SNX5: variants seen among roughly 807,000 people sequenced by gnomAD.
SNX5 encodes the protein sorting nexin 5, also known as sorting nexin-5.
In SNX5, 31 loss-of-function variants were observed where a neutral mutation model predicts 53.9. The ratio of observed to expected loss-of-function variants is 0.58; its 90% CI spans 0.43 to 0.78. SNX5 has a LOEUF of 0.78. Among genes scored for constraint, SNX5 ranks in the 30% least tolerant of loss-of-function variants. The pLI, the probability that SNX5 is intolerant of heterozygous loss-of-function variation, is 0.00. For missense variants in SNX5, 471 were observed against 478.8 expected (o/e 0.98, Z 0.15); for synonymous variants, 168 against 171.1 (o/e 0.98, Z 0.14).
rs147320575 is a variant in SNX5, at chr20:17,962,110, T to C, written c.52-5073A>G. 8 of 406,978 alleles carry C rather than the reference T, an allele frequency of 2.0e-5. No individual in the cohort carries two copies. The East Asian group carries it at 1.3e-3, about 67-fold the overall frequency. 25.2% of individuals were successfully genotyped at this position (406,978 alleles called of 1,614,324 possible). A position where few individuals can be genotyped will look rare whatever the true frequency, so the allele number is the denominator to read the frequency against. ...ATCCTGAAGATAACTAATACGTACC[T>C]ATCTGTGTTCAATCTCAGCTTTAGA... is the stretch of plus-strand genomic sequence containing the variant. On this transcript the variant is annotated intron_variant, in intron 1 of 12. Transcript: ENST00000377759.
intron 1 of SNX5, 140 bp from the exon 2 acceptor site, chr20:17,957,177 T>G: frequency 3.1e-6 from 2 of 640,840 alleles, no homozygotes; most frequent in Non-Finnish European, 2.9e-6. Context: ...GGCTCACCCC[T>G]GTAATCCCAG....
intron 2 of SNX5, 77 bp downstream of exon 2, chr20:17,956,856 G>T: frequency 2.5e-6 from 2 of 801,560 alleles, no homozygotes; most frequent in Non-Finnish European, 2.3e-6. Context: ...CAAGCTCAGG[G>T]AATCTCTTCT....
chr20:17,949,173 A>C, intron 8 of SNX5, 70 bp from the exon 9 acceptor site: 3 of 1,344,858 alleles, frequency 2.2e-6, no homozygotes, highest in Non-Finnish European at 3.2e-6. Flanking sequence ...ACCAGTGTGC[A>C]AGACAGGAAT....
At chr20:17,952,742 G>T in intron 4 of SNX5, 32 bp from the exon 5 acceptor site, 1 of 1,608,284 alleles carries the variant, frequency 6.2e-7, no homozygotes, top group South Asian at 1.1e-5. Flanking sequence ...GCATTCAGTT[G>T]ACACAGCTCA....
chr20:17,965,213 T>G (rs890564332), intron 1 of SNX5, among the ~76,000 whole-genome samples: 2 of 151,926 alleles, frequency 1.3e-5, no homozygotes, highest in Non-Finnish European at 2.9e-5. Context: ...CTTATCACCA[T>G]GGGAGGGGAG....
At chr20:17,949,797 A>C (rs2039538724) in intron 8 of SNX5, among the ~76,000 whole-genome samples, 1 of 152,240 alleles carries the variant, frequency 6.6e-6, no homozygotes, top group African/African-American at 2.4e-5. Flanking sequence ...GGGCATTACC[A>C]GGCAAAATTG....
rs763293721 is a variant in SNX5 at position 17,957,053 on chromosome 20, T to G, written c.52-16A>C. 1.3e-5 allele frequency: 19 copies of G among 1,443,596 alleles called. No homozygotes were observed. In the Admixed American group the frequency reaches 2.7e-4, roughly 20 times the overall value. The allele number at this position is 1,443,596 out of a possible 1,614,324, so 89.4% of individuals were successfully genotyped here. A position where few individuals can be genotyped will look rare whatever the true frequency, so the allele number is the denominator to read the frequency against. On this transcript the variant is annotated splice_polypyrimidine_tract_variant and intron_variant, in intron 1 of 12. Transcript: ENST00000377759. ...CAGATCTCAGCTGAAATACATTTTT[T>G]GCGTATTAGTTTCAAACTCATTTGG...
At chr20:17,954,289 A>G in intron 3 of SNX5, 172 bp from the exon 4 acceptor site, 1 of 996,126 alleles carries the variant, frequency 1.0e-6, no homozygotes, top group East Asian at 3.0e-5. Flanking sequence ...CTGGACATTT[A>G]AAATGAGGTG....
chr20:17,968,287 G>A lies in SNX5; in HGVS notation c.51+88C>T, dbSNP rs866660868. ...GCTGGGGATGGCGGCGAGCAGCCAC[G>A]GCCTATGGACGCGCAAGGGAAAGAA... On this transcript the variant is annotated intron_variant, in intron 1 of 12. Coordinates refer to ENST00000377759, the MANE Select transcript of SNX5 (RefSeq NM_014426.4). The A allele has an allele frequency of 7.7e-5, 86 of 1,112,560 alleles. 2 individuals carry two copies. In the Middle Eastern group the frequency reaches 3.0e-3, roughly 38 times the overall value. 68.9% of individuals were successfully genotyped at this position (1,112,560 alleles called of 1,614,324 possible).
intron 10 of SNX5, 57 bp from the exon 11 acceptor site, chr20:17,947,702 G>A: frequency 1.4e-6 from 2 of 1,457,160 alleles, no homozygotes; most frequent in Non-Finnish European, 1.9e-6. Context: ...CTAAAAAATA[G>A]CCCAAGTGCC....
Position 17,942,079 on chromosome 20 carries a change from T to C in SNX5, c.*278A>G. ...CAGAAGGCTAATGTGTCCTACACCC[T>C]TTCTTAGTAACTAAAGACGAACTAC... is the stretch of plus-strand genomic sequence containing the variant. On this transcript the variant is annotated 3_prime_UTR_variant, in exon 13 of 13. Transcript: ENST00000377759. 1 of 384,270 alleles carries C rather than the reference T, an allele frequency of 2.6e-6. No homozygotes were observed. Among genetic ancestry groups the C allele is most frequent in the East Asian group, 5.9e-5 (1 of 16,824 alleles). 23.8% of individuals were successfully genotyped at this position (384,270 alleles called of 1,614,324 possible).
chr20:17,966,034 T>A (rs1265425469), intron 1 of SNX5, among the ~76,000 whole-genome samples: 2 of 152,092 alleles, frequency 1.3e-5, no homozygotes, highest in Non-Finnish European at 2.9e-5. Context: ...CAGCAGTACT[T>A]AGTCTACAAA....
chr20:17,963,488 G>C (rs2035490690), intron 1 of SNX5, among the ~76,000 whole-genome samples: 1 of 152,132 alleles, frequency 6.6e-6, no homozygotes, highest in Non-Finnish European at 1.5e-5. Context: ...GTAAAAAACA[G>C]AAATGCCAGT....
At chr20:17,959,692 T>C (rs575953916) in intron 1 of SNX5, among the ~76,000 whole-genome samples, 1 of 152,324 alleles carries the variant, frequency 6.6e-6, no homozygotes, top group African/African-American at 2.4e-5. Flanking sequence ...TCTCATATTA[T>C]AGCATATAAC....
Position 17,961,547 on chromosome 20 carries a change from GATACA to G in SNX5, c.52-4515_52-4511del, listed in dbSNP as rs2035449569. 1.4e-5 allele frequency: 14 copies of G among 984,048 alleles called. 1 individual carries two copies. The South Asian group carries it at 6.6e-4, about 46-fold the overall frequency. 61.0% of individuals were successfully genotyped at this position (984,048 alleles called of 1,614,324 possible). A position where few individuals can be genotyped will look rare whatever the true frequency, so the allele number is the denominator to read the frequency against. ...TCATTTGTATACAATGTAAGACATG[GATACA>G]ATATGCAGTGCTAGCCTGTATTTTC... On this transcript the variant is annotated intron_variant, in intron 1 of 12. Coordinates refer to ENST00000377759, the MANE Select transcript of SNX5 (RefSeq NM_014426.4).
chr20:17,955,232 C>G, intron 3 of SNX5, 133 bp downstream of exon 3: 2 of 633,266 alleles, frequency 3.2e-6, no homozygotes, highest in Admixed American at 2.9e-5. Context: ...ACTTGACAGT[C>G]AGCAAATACT....
In SNX5 at chr20:17,950,200, G is replaced by A. The variant is rs539455748; in HGVS notation, c.723C>T (p.Ala241=). The change falls in exon 8 of 13, where the codon GCC becomes GCT. Residue 241 remains alanine, a synonymous_variant. Coordinates refer to ENST00000377759, the MANE Select transcript of SNX5 (RefSeq NM_014426.4). The stretch of plus-strand genomic sequence containing the variant: ...AGGCTGCGGTGTGGATATAGTCATC[G>A]GCAACATCTGCAGAAACAAGGACAA... ...DKMTRSHKNV[A]DDYIHTAACL... 162 of 1,614,068 alleles carry A rather than the reference G, an allele frequency of 1.0e-4. 2 individuals carry two copies. In the South Asian group the frequency reaches 1.4e-3, roughly 14 times the overall value.
intron 1 of SNX5, among the ~76,000 whole-genome samples, chr20:17,957,757 C>G (rs927962885): frequency 6.6e-6 from 1 of 152,144 alleles, no homozygotes; most frequent in Non-Finnish European, 1.5e-5. Flanking sequence ...GCACAGAGAA[C>G]AGTCATGTGG....
intron 1 of SNX5, among the ~76,000 whole-genome samples, chr20:17,966,062 G>C (rs2035531889): frequency 6.6e-6 from 1 of 152,082 alleles, no homozygotes; most frequent in Admixed American, 6.5e-5. Context: ...GAGTAGGTAA[G>C]AGGACAGATA....
Sources: gnomAD v4.1 joint callset for allele counts (sites outside exome capture counted in the v4.1 genomes callset) on GRCh38, gnomAD v4.1.1 for gene constraint, MANE v1.5 for transcripts, NCBI Gene and HGNC (gene_info 2026-07-23, HGNC 2026-07-21) for gene names.